The following TLCD3B variants were observed in gnomAD, a reference collection of about 807,000 sequenced individuals.
TLCD3B encodes the protein ceramide synthase.
In TLCD3B, 9 loss-of-function variants were observed where a neutral mutation model predicts 23.0. That is an observed-to-expected ratio of 0.39 (90% confidence interval 0.24 to 0.68). The LOEUF (loss-of-function observed/expected upper bound fraction) is 0.68, where lower values mean the gene tolerates loss of function less well. TLCD3B is among the 30% of genes least tolerant of loss of function. TLCD3B has a pLI of 0.44. For missense variants in TLCD3B, 307 were observed against 371.8 expected, an observed-to-expected ratio of 0.83 and a Z score of 1.43; for synonymous variants, 161 against 161.0, an observed-to-expected ratio of 1.00 and a Z score of 0.00.
intron 1 of TLCD3B, among the ~76,000 whole-genome samples, chr16:30,048,681 C>T (rs2071708262): frequency 6.6e-6 from 1 of 151,908 alleles, no homozygotes; most frequent in Non-Finnish European, 1.5e-5. Flanking sequence ...CTCACTGCAA[C>T]CTCTGCCCTC....
upstream of TLCD3B, chr16:30,032,532 C>T (rs2071386292): frequency 6.6e-6 from 1 of 152,054 alleles, no homozygotes; most frequent in Non-Finnish European, 1.5e-5. Flanking sequence ...GAAAGGGGAT[C>T]CAGCTCCCTG....
Position 30,030,122 on chromosome 16 carries a change from C to T in TLCD3B, c.125+281G>A, listed in dbSNP as rs1567301340. 8.3e-6 allele frequency: 12 copies of T among 1,448,142 alleles called. No individual in the cohort carries two copies. In the South Asian group the frequency reaches 8.5e-5, roughly 10 times the overall value. 89.7% of individuals were successfully genotyped at this position (1,448,142 alleles called of 1,614,324 possible). A position where few individuals can be genotyped will look rare whatever the true frequency, so the allele number is the denominator to read the frequency against. ...CCCTAATGTCTTATAGGAATGTCTT[C>T]GCCGCATGCTGGCCCTGTTTTGGAG... On this transcript the variant is annotated intron_variant, in intron 1 of 4. Coordinates refer to ENST00000380495, the MANE Select transcript of TLCD3B (RefSeq NM_031478.6).
chr16:30,026,847 T>C lies in TLCD3B; in HGVS notation c.210-4A>G, dbSNP rs749023914. On this transcript the variant is annotated splice_region_variant and splice_polypyrimidine_tract_variant and intron_variant, in intron 2 of 4. Transcript: ENST00000380495. The stretch of plus-strand genomic sequence containing the variant: ...GTAGGCAGAGGACAGCCAGTGTCTG[T>C]TGGGCAGAGAGACGGGGTGGGGGAG... The C allele has an allele frequency of 1.4e-5, 22 of 1,613,080 alleles. No homozygotes were observed. The highest frequency in any genetic ancestry group is 1.8e-5 in the Non-Finnish European group (21 of 1,179,498).
intron 2 of TLCD3B, among the ~76,000 whole-genome samples, chr16:30,045,737 TTGTG>T (rs141468225): frequency 1.1e-4 from 17 of 149,456 alleles, no homozygotes; most frequent in Middle Eastern, 6.9e-3. Flanking sequence ...TGGTGTGTGT[TTGTG>T]TGTGTGTGTG....
chr16:30,035,233 C>G (rs955024970), upstream of TLCD3B: 2 of 1,144,542 alleles, frequency 1.7e-6, no homozygotes. Context: ...TTTGACTCCA[C>G]ATTCCAGCTC....
intron 3 of TLCD3B, among the ~76,000 whole-genome samples, chr16:30,037,324 C>T (rs1447045296): frequency 2.0e-5 from 3 of 151,460 alleles, no homozygotes; most frequent in East Asian, 2.0e-4. Context: ...GGGCAGATCA[C>T]GGGGTCAGGA....
At chr16:30,039,597 T>C (rs947064223) in intron 3 of TLCD3B, among the ~76,000 whole-genome samples, 5 of 152,008 alleles carry the variant, frequency 3.3e-5, no homozygotes, top group Non-Finnish European at 5.9e-5. Context: ...ACTCAGCTAA[T>C]TTTTGTATTT....
chr16:30,029,219 C>T lies in TLCD3B; in HGVS notation c.209+213G>A, dbSNP rs2071276464. Among the ~76,000 whole-genome samples the T allele has an allele frequency of 2.6e-5, 4 of 152,188 alleles. No homozygotes were observed. The highest frequency in any genetic ancestry group is 1.9e-4 in the East Asian group (1 of 5,192). ...CTTTGAGGATCCTCTCTGATCCCCG[C>T]TCCTTCTCCCCCTGGTTCTGACCTT... On this transcript the variant is annotated intron_variant, in intron 2 of 4. Transcript: ENST00000380495. This position sits in a 1 kb window ranked among gnomAD's most constrained non-coding sequence, Gnocchi z 4.6.
At chr16:30,045,791 G>C (rs532647978) in intron 2 of TLCD3B, among the ~76,000 whole-genome samples, 6 of 150,740 alleles carry the variant, frequency 4.0e-5, no homozygotes, top group African/African-American at 9.7e-5. Context: ...ACCCAAGATG[G>C]GATGCACCAC....
intron 2 of TLCD3B, among the ~76,000 whole-genome samples, chr16:30,044,860 G>C (rs1033321402): frequency 6.6e-6 from 1 of 151,914 alleles, no homozygotes; most frequent in Admixed American, 6.6e-5. Flanking sequence ...GGCGGCGGGG[G>C]GGTGCGGATT....
intron 2 of TLCD3B, 183 bp from the exon 3 acceptor site, chr16:30,027,026 A>C (rs2071174226): frequency 1.4e-6 from 1 of 691,994 alleles, no homozygotes; most frequent in Non-Finnish European, 2.6e-6. Context: ...AGCTAGTAAG[A>C]GATGGTGCTG....
Position 30,025,381 on chromosome 16 carries a change from G to C in TLCD3B, c.627C>G (p.Pro209=). ...GGCGCCCGTAGGCCCAGTACAGGTAGGGAAAGAGCAGCACCCGGCAGCAGA... is the reference window on the plus strand; with the variant it reads ...GGCGCCCGTAGGCCCAGTACAGGTACGGAAAGAGCAGCACCCGGCAGCAGA... ...SFLCCRVLLF[P]YLYWAYGRHA... is the part of the protein sequence containing the mutation. The change falls in exon 5 of 5, where the codon CCC becomes CCG. Residue 209 remains proline, a synonymous_variant. Transcript: ENST00000380495. The surrounding 1 kb of genome is among the most constrained non-coding windows in gnomAD (Gnocchi z 4.1). 1 of 1,609,314 alleles carries C rather than the reference G, an allele frequency of 6.2e-7. No homozygotes were observed. The highest frequency in any genetic ancestry group is 8.5e-7 in the Non-Finnish European group (1 of 1,178,036).
chr16:30,026,506 G>C, intron 3 of TLCD3B, 103 bp downstream of exon 3: 1 of 978,918 alleles, frequency 1.0e-6, no homozygotes, highest in South Asian at 1.6e-5. Context: ...GGTCTGCTTG[G>C]TTGTCAGTAC....
upstream of TLCD3B, chr16:30,035,376 G>C (rs1247470273): frequency 9.3e-6 from 12 of 1,289,522 alleles, no homozygotes; most frequent in Admixed American, 6.9e-5. Context: ...ACAGCCTCTT[G>C]TCTCTCCATC....
intron 2 of TLCD3B, chr16:30,027,703 T>C: frequency 2.2e-6 from 1 of 453,980 alleles, no homozygotes; most frequent in South Asian, 1.6e-5. Context: ...AATGGATGAA[T>C]AGACAAGACA....
At chr16:30,035,805 C>T (rs531009932), upstream of TLCD3B, among the ~76,000 whole-genome samples, 4 of 149,448 alleles carry the variant, frequency 2.7e-5, no homozygotes, top group Admixed American at 2.7e-4. Context: ...TCTTGTTGCC[C>T]AGGCTGGAGT....
intron 3 of TLCD3B, among the ~76,000 whole-genome samples, chr16:30,040,266 T>C (rs2071560446): frequency 6.6e-6 from 1 of 151,636 alleles, no homozygotes; most frequent in South Asian, 2.1e-4. Flanking sequence ...ATCATGCCAA[T>C]GCATAGAAAC....
chr16:30,035,444 A>G (rs1227490150), upstream of TLCD3B: 4 of 1,289,496 alleles, frequency 3.1e-6, no homozygotes, highest in Non-Finnish European at 3.0e-6. Flanking sequence ...CAACGGGAAG[A>G]AGACGCAACC....
At chr16:30,048,137 C>T (rs1349083509) in intron 1 of TLCD3B, among the ~76,000 whole-genome samples, 6 of 127,390 alleles carry the variant, frequency 4.7e-5, no homozygotes, top group Admixed American at 2.3e-4. Flanking sequence ...AGTGAAACTT[C>T]GCCTCCAAAA....
Sources: allele counts gnomAD v4.1 joint callset (sites outside exome capture counted in the v4.1 genomes callset), GRCh38; gene constraint gnomAD v4.1.1; non-coding constraint Gnocchi (gnomAD v3.1); transcripts MANE v1.5; gene names NCBI Gene and HGNC (gene_info 2026-07-23, HGNC 2026-07-21).